SAMD3: variants seen among roughly 807,000 people sequenced by gnomAD.
The protein encoded by SAMD3 is sterile alpha motif domain-containing protein 3.
Under a neutral mutation model 58.5 loss-of-function variants are expected in SAMD3, and 63 were observed. The observed-to-expected ratio is 1.08, with a 90% CI of 0.88 to 1.33. SAMD3 has a LOEUF of 1.33. Ranked by LOEUF, SAMD3 falls within the 40% of genes most tolerant of loss-of-function variation. SAMD3 has a pLI of 0.00. For synonymous variants in SAMD3, 220 were observed against 210.3 expected, an observed-to-expected ratio of 1.05 and a Z score of -0.40; for missense variants, 604 against 608.4, an observed-to-expected ratio of 0.99 and a Z score of 0.08.
At chr6:130,215,107 T>C (rs1028722148) in intron 3 of SAMD3, 88 bp downstream of exon 3, 1 of 703,026 alleles carries the variant, frequency 1.4e-6, no homozygotes, top group Non-Finnish European at 2.5e-6. Context: ...ACACAGACAT[T>C]TGGCAACAAA....
intron 2 of SAMD3, among the ~76,000 whole-genome samples, chr6:130,269,259 T>C (rs117086113): frequency 0.025 from 3,850 of 152,296 alleles, 68 homozygotes; most frequent in Non-Finnish European, 0.04. Context: ...TCAAAAATCA[T>C]TGGGTATATT....
chr6:130,260,052 G>T (rs1336800613), intron 2 of SAMD3, among the ~76,000 whole-genome samples: 1 of 152,136 alleles, frequency 6.6e-6, no homozygotes, highest in Non-Finnish European at 1.5e-5. Flanking sequence ...AGTTCTTAGA[G>T]TCCTTTCTAT....
intron 2 of SAMD3, among the ~76,000 whole-genome samples, chr6:130,301,973 T>C (rs1775763069): frequency 6.6e-6 from 1 of 152,144 alleles, no homozygotes; most frequent in South Asian, 2.1e-4. Context: ...CTTAAATTTA[T>C]GACCTCAAAA....
chr6:130,349,988 A>T (rs1368953681), intron 1 of SAMD3, among the ~76,000 whole-genome samples: 1 of 152,240 alleles, frequency 6.6e-6, no homozygotes, highest in African/African-American at 2.4e-5. Context: ...TTATCTCAAT[A>T]GATGCAGAAA....
chr6:130,261,541 T>A (rs143914328), intron 2 of SAMD3, among the ~76,000 whole-genome samples: 4,727 of 152,292 alleles, frequency 0.031, 241 homozygotes, highest in African/African-American at 0.11. Context: ...TGGTGTAAAC[T>A]GCAAAAGTGT....
At chr6:130,365,569 G>T (rs1778114704), upstream of SAMD3, 2 of 985,258 alleles carry the variant, frequency 2.0e-6, no homozygotes, top group African/African-American at 1.7e-5. Flanking sequence ...ACTGCGAGTC[G>T]GCTGGAGCTC....
intron 1 of SAMD3, among the ~76,000 whole-genome samples, chr6:130,347,375 T>C (rs1777488840): frequency 2.0e-5 from 3 of 151,490 alleles, no homozygotes; most frequent in Admixed American, 2.0e-4. Context: ...TGCAGAGAAG[T>C]CCTTAAAGGA....
intron 5 of SAMD3, among the ~76,000 whole-genome samples, chr6:130,186,915 C>T (rs1025777056): frequency 2.6e-5 from 4 of 151,810 alleles, no homozygotes; most frequent in Non-Finnish European, 4.4e-5. Flanking sequence ...GGACTACAGG[C>T]GCATGCCACC....
At chr6:130,267,721 A>G (rs1406747713) in intron 2 of SAMD3, among the ~76,000 whole-genome samples, 1 of 152,164 alleles carries the variant, frequency 6.6e-6, no homozygotes, top group African/African-American at 2.4e-5. Flanking sequence ...CAGATTCCAG[A>G]CATTGTATAG....
At chr6:130,221,417 G>A (rs935160805) in intron 1 of SAMD3, 1 of 152,520 alleles carries the variant, frequency 6.6e-6, no homozygotes, top group Non-Finnish European at 1.5e-5. Context: ...CGCTGACTCT[G>A]CTATGCAGTT....
chr6:130,277,609 A>T (rs1470394005), intron 2 of SAMD3, among the ~76,000 whole-genome samples: 1 of 152,080 alleles, frequency 6.6e-6, no homozygotes, highest in Non-Finnish European at 1.5e-5. Flanking sequence ...CATCCTTAGG[A>T]ATAACTTAGG....
intron 2 of SAMD3, among the ~76,000 whole-genome samples, chr6:130,276,884 T>C (rs765168433): frequency 3.3e-5 from 5 of 151,918 alleles, no homozygotes; most frequent in Non-Finnish European, 7.4e-5. Context: ...AATAGGGGTG[T>C]GGAAAATGGT....
chr6:130,348,905 G>C (rs1278012849), intron 1 of SAMD3, among the ~76,000 whole-genome samples: 4 of 152,018 alleles, frequency 2.6e-5, no homozygotes, highest in Admixed American at 2.6e-4. Context: ...AATCAAACTA[G>C]AACTCAGGAT....
intron 2 of SAMD3, among the ~76,000 whole-genome samples, chr6:130,270,784 T>C (rs1295637731): frequency 6.6e-6 from 1 of 152,226 alleles, no homozygotes; most frequent in Non-Finnish European, 1.5e-5. Flanking sequence ...CTTTTACTCA[T>C]GGATTTTAAG....
chr6:130,214,213 C>T (rs1186401465), intron 4 of SAMD3, 124 bp downstream of exon 4: 3 of 710,328 alleles, frequency 4.2e-6, no homozygotes, highest in East Asian at 2.9e-5. Context: ...TTAGAAATAC[C>T]GTACATACAA....
chr6:130,314,990 G>A (rs1325833524), intron 1 of SAMD3, among the ~76,000 whole-genome samples: 1 of 152,114 alleles, frequency 6.6e-6, no homozygotes, highest in Non-Finnish European at 1.5e-5. Context: ...ATTGTATTAT[G>A]ACTTATTTGA....
intron 4 of SAMD3, among the ~76,000 whole-genome samples, chr6:130,211,878 G>A (rs988637608): frequency 6.7e-6 from 1 of 149,794 alleles, no homozygotes; most frequent in African/African-American, 2.5e-5. Flanking sequence ...AAGGGAATCT[G>A]TACTCAAATG....
At chr6:130,203,311 TAAGAA>T (rs1327993454) in intron 5 of SAMD3, among the ~76,000 whole-genome samples, 16 of 152,194 alleles carry the variant, frequency 1.1e-4, no homozygotes, top group Non-Finnish European at 2.1e-4. Flanking sequence ...ATTTTACAGA[TAAGAA>T]AAGTGAGACC....
At chr6:130,208,700 C>T (rs530340532) in intron 5 of SAMD3, among the ~76,000 whole-genome samples, 75 of 152,210 alleles carry the variant, frequency 4.9e-4, no homozygotes, top group African/African-American at 6.3e-4. Flanking sequence ...AGGGCCCTCA[C>T]TGATTCTACA....
Sources: allele counts gnomAD v4.1 joint callset (sites outside exome capture counted in the v4.1 genomes callset), GRCh38; gene constraint gnomAD v4.1.1; transcripts MANE v1.5; gene names NCBI Gene and HGNC (gene_info 2026-07-23, HGNC 2026-07-21).